The following USH2A variants were observed in gnomAD, a reference collection of about 807,000 sequenced individuals.
The protein encoded by USH2A is usherin.
Under a neutral mutation model 538.9 loss-of-function variants are expected in USH2A, and 443 were observed. The observed-to-expected ratio is 0.82, with a 90% confidence interval of 0.76 to 0.89. The LOEUF is 0.89. USH2A is among the 40% of genes least tolerant of loss of function. USH2A has a pLI of 0.00. For missense variants in USH2A, 6,633 were observed against 6,324.8 expected (o/e 1.05, Z -1.65); for synonymous variants, 2,413 against 2,273.5 (o/e 1.06, Z -1.75).
At position 215,623,401 on chromosome 1, in the gene USH2A, C is replaced by T. The variant is rs940740704; in HGVS notation, c.*2380G>A. 9.2e-5 allele frequency: 14 copies of T among 152,184 alleles called. No homozygotes were observed. Among genetic ancestry groups the T allele is most frequent in the African/African-American group, 3.1e-4 (13 of 41,524 alleles). The allele number at this position is 152,184 out of a possible 1,614,324, so 9.4% of individuals were successfully genotyped here. On this transcript the variant is annotated 3_prime_UTR_variant, in exon 72 of 72. Transcript: ENST00000307340. ...CAGATTGTGGAACATCAGTGGGTCTCAACATTAGAACACCTGGAAGCTTTA... is the reference window on the plus strand; with the variant it reads ...CAGATTGTGGAACATCAGTGGGTCTTAACATTAGAACACCTGGAAGCTTTA...
rs575120654 is a variant in USH2A at position 215,854,821 on chromosome 1, T to C, written c.8846-8788A>G. 3.9e-5 allele frequency among the ~76,000 whole-genome samples: 6 copies of C among 152,346 alleles called. No individual in the cohort carries two copies. In the East Asian group the frequency reaches 9.7e-4, roughly 25 times the overall value. On this transcript the variant is annotated intron_variant, in intron 44 of 71. Coordinates refer to ENST00000307340, the MANE Select transcript of USH2A (RefSeq NM_206933.4). ...GTTCTCTACCTGGCCAGTGCCATGT[T>C]GTCTGTTTCTTACTGTACATGTGCT...
intron 44 of USH2A, among the ~76,000 whole-genome samples, chr1:215,864,388 T>C (rs1196812167): frequency 2.0e-5 from 3 of 152,146 alleles, no homozygotes; most frequent in Non-Finnish European, 4.4e-5. Flanking sequence ...AAAATTACAA[T>C]ATAATTTATC....
chr1:215,985,625 A>T (rs961699310), intron 35 of USH2A, among the ~76,000 whole-genome samples: 3 of 152,146 alleles, frequency 2.0e-5, no homozygotes, highest in Admixed American at 2.0e-4. Context: ...ATTATTACTA[A>T]TGTTATTATT....
chr1:216,223,066 T>A lies in USH2A; in HGVS notation c.2994-5516A>T, dbSNP rs557576144. Reference sequence around the variant, plus strand: ...GTTTTTTTTTTTCCTAGAATCTCCATAAGAAACACAGGCCTGATTTTAGCC... The same window carrying A: ...GTTTTTTTTTTTCCTAGAATCTCCAAAAGAAACACAGGCCTGATTTTAGCC... On this transcript the variant is annotated intron_variant, in intron 14 of 71. Coordinates refer to ENST00000307340, the MANE Select transcript of USH2A (RefSeq NM_206933.4). 2.0e-5 allele frequency among the ~76,000 whole-genome samples: 3 copies of A among 150,136 alleles called. No homozygotes were observed. The South Asian group carries it at 6.3e-4, about 32-fold the overall frequency.
intron 10 of USH2A, among the ~76,000 whole-genome samples, chr1:216,290,022 T>C (rs2036971705): frequency 2.0e-5 from 3 of 152,088 alleles, no homozygotes; most frequent in African/African-American, 7.2e-5. Context: ...ACATATTAGA[T>C]ATATCAGGTA....
intron 14 of USH2A, among the ~76,000 whole-genome samples, chr1:216,220,228 C>T (rs1339213349): frequency 6.6e-6 from 1 of 151,792 alleles, no homozygotes; most frequent in Non-Finnish European, 1.5e-5. Context: ...GTACACCCCT[C>T]CTCTCTATGG....
chr1:216,245,368 T>C (rs2036015739), intron 13 of USH2A, among the ~76,000 whole-genome samples: 1 of 151,968 alleles, frequency 6.6e-6, no homozygotes, highest in Admixed American at 6.6e-5. Flanking sequence ...AGGTAGCTAA[T>C]AAATCGCTCT....
chr1:216,053,580 T>C (rs140016134), intron 30 of USH2A, among the ~76,000 whole-genome samples: 126 of 151,654 alleles, frequency 8.3e-4, no homozygotes, highest in African/African-American at 2.9e-3. Context: ...GGAAACCTGC[T>C]AGTCCCTCTA....
intron 30 of USH2A, among the ~76,000 whole-genome samples, chr1:216,066,295 C>G (rs1483428309): frequency 6.6e-6 from 1 of 151,848 alleles, no homozygotes; most frequent in Non-Finnish European, 1.5e-5. Flanking sequence ...ATGGTGAAAC[C>G]CTGTCTCCAC....
At chr1:216,046,183 C>T (rs2030512801) in intron 32 of USH2A, among the ~76,000 whole-genome samples, 1 of 151,902 alleles carries the variant, frequency 6.6e-6, no homozygotes, top group Non-Finnish European at 1.5e-5. Context: ...CTCCTGTATG[C>T]TTTAAATCAT....
chr1:216,343,371 C>CAAA lies in USH2A; in HGVS notation c.785-15720_785-15718dup, dbSNP rs1206103461. Reference sequence around the variant, plus strand: ...GACAACATAGTAAGAACCATCTCTACAAAAAAAAAAAAAAAAAAATTAGCC... The same window carrying CAAA: ...GACAACATAGTAAGAACCATCTCTACAAAAAAAAAAAAAAAAAAAAAATTAGCC... On this transcript the variant is annotated intron_variant, in intron 4 of 71. Transcript: ENST00000307340. Among the ~76,000 whole-genome samples the CAAA allele has an allele frequency of 3.9e-3, 344 of 87,612 alleles. 2 individuals carry two copies. Among genetic ancestry groups the CAAA allele is most frequent in the African/African-American group, 0.013 (330 of 26,322 alleles). The allele number at this position is 87,612 out of a possible 152,430, so 57.5% of individuals were successfully genotyped here. A position where few individuals can be genotyped will look rare whatever the true frequency, so the allele number is the denominator to read the frequency against.
chr1:215,762,788 G>A (rs1661017652), intron 56 of USH2A, among the ~76,000 whole-genome samples: 1 of 152,152 alleles, frequency 6.6e-6, no homozygotes, highest in Non-Finnish European at 1.5e-5. Context: ...CAGTTCAAGT[G>A]AAAGAAATGA....
intron 70 of USH2A, among the ~76,000 whole-genome samples, chr1:215,631,227 A>ATGTGTGTGTGT (rs1553248565): frequency 2.7e-5 from 4 of 148,460 alleles, no homozygotes; most frequent in African/African-American, 9.9e-5. Flanking sequence ...GAGGGGGAGA[A>ATGTGTGTGTGT]GTGTGTGTGT....
intron 11 of USH2A, among the ~76,000 whole-genome samples, chr1:216,276,307 T>G (rs2036669614): frequency 6.6e-6 from 1 of 152,128 alleles, no homozygotes; most frequent in African/African-American, 2.4e-5. Flanking sequence ...CCTCGCACAT[T>G]TTTAGCAATA....
chr1:215,686,991 A>ACGCC (rs1558054237), intron 61 of USH2A, among the ~76,000 whole-genome samples: 1 of 152,054 alleles, frequency 6.6e-6, no homozygotes, highest in African/African-American at 2.4e-5. Flanking sequence ...TATCAGAACC[A>ACGCC]TGCCTTCCTG....
At chr1:216,073,346 T>C in intron 27 of USH2A, 46 bp from the exon 28 acceptor site, 20 of 1,593,150 alleles carry the variant, frequency 1.3e-5, no homozygotes, top group Non-Finnish European at 1.7e-5. Context: ...GCTTGAGTCA[T>C]TAATTACCAA....
At chr1:215,977,576 G>A (rs548916017) in intron 35 of USH2A, among the ~76,000 whole-genome samples, 5 of 151,966 alleles carry the variant, frequency 3.3e-5, no homozygotes, top group African/African-American at 7.2e-5. Context: ...GCATGATCTC[G>A]GCTCACTGCA....
At chr1:216,416,379 G>T (rs1471389790) in intron 3 of USH2A, among the ~76,000 whole-genome samples, 1 of 152,000 alleles carries the variant, frequency 6.6e-6, no homozygotes, top group Admixed American at 6.6e-5. Flanking sequence ...AGATCTGAAT[G>T]GTTTTCTAAC....
intron 60 of USH2A, among the ~76,000 whole-genome samples, chr1:215,738,916 A>T (rs540606672): frequency 6.6e-6 from 1 of 152,208 alleles, no homozygotes; most frequent in South Asian, 2.1e-4. Context: ...AGAATGAAAA[A>T]GAACTATGTG....
Sources: allele counts gnomAD v4.1 joint callset (sites outside exome capture counted in the v4.1 genomes callset), GRCh38; gene constraint gnomAD v4.1.1; transcripts MANE v1.5; gene names NCBI Gene and HGNC (gene_info 2026-07-23, HGNC 2026-07-21).